The following WWOX variants were observed in gnomAD, a reference collection of about 807,000 sequenced individuals.
The protein encoded by WWOX is WW domain-containing oxidoreductase.
WWOX carries 69 observed loss-of-function variants against 46.2 expected under a neutral mutation model. The ratio of observed to expected loss-of-function variants is 1.49; its 90% CI spans 1.23 to 1.82. The LOEUF (loss-of-function observed/expected upper bound fraction) is 1.82. WWOX is among the 40% of genes most tolerant of loss of function. The pLI is 0.00. For synonymous variants in WWOX, 359 were observed against 202.6 expected, an observed-to-expected ratio of 1.77 and a Z score of -6.56; for missense variants, 919 against 542.6, an observed-to-expected ratio of 1.69 and a Z score of -6.89.
chr16:79,128,434 C>G (rs866513066), intron 8 of WWOX, among the ~76,000 whole-genome samples: 3 of 151,522 alleles, frequency 2.0e-5, no homozygotes, highest in East Asian at 3.9e-4. Flanking sequence ...ACACTTTCAG[C>G]AACCCTGTAA....
intron 8 of WWOX, among the ~76,000 whole-genome samples, chr16:78,847,268 T>A (rs1274136050): frequency 6.6e-6 from 1 of 152,226 alleles, no homozygotes; most frequent in Non-Finnish European, 1.5e-5. Context: ...TTTAGAAATA[T>A]GTGTATTATA....
intron 5 of WWOX, among the ~76,000 whole-genome samples, chr16:78,177,391 T>C (rs1446278512): frequency 6.6e-6 from 1 of 152,160 alleles, no homozygotes; most frequent in Non-Finnish European, 1.5e-5. Flanking sequence ...CTGTCATCGA[T>C]GCCAGCGCCT....
At chr16:79,068,215 A>G (rs1049021172) in intron 8 of WWOX, among the ~76,000 whole-genome samples, 1 of 152,176 alleles carries the variant, frequency 6.6e-6, no homozygotes, top group Admixed American at 6.5e-5. Flanking sequence ...AATAGTAGCA[A>G]CGGTAACTAA....
intron 8 of WWOX, among the ~76,000 whole-genome samples, chr16:78,523,277 T>C (rs1480929093): frequency 6.6e-6 from 1 of 152,216 alleles, no homozygotes; most frequent in Non-Finnish European, 1.5e-5. Flanking sequence ...GTGTTTAATA[T>C]GTGCCAGTAT....
chr16:78,830,461 G>C (rs919930750), intron 8 of WWOX, among the ~76,000 whole-genome samples: 1 of 151,908 alleles, frequency 6.6e-6, no homozygotes, highest in Non-Finnish European at 1.5e-5. Context: ...GTACCTATCT[G>C]ACTATTTTCT....
intron 1 of WWOX, among the ~76,000 whole-genome samples, chr16:78,104,145 A>C (rs955529589): frequency 7.9e-5 from 12 of 151,704 alleles, no homozygotes; most frequent in African/African-American, 2.7e-4. Flanking sequence ...TTTGGCAGTC[A>C]GAGGCCTCAA....
At chr16:78,950,373 C>T (rs1567669998) in intron 8 of WWOX, among the ~76,000 whole-genome samples, 1 of 152,074 alleles carries the variant, frequency 6.6e-6, no homozygotes, top group African/African-American at 2.4e-5. Flanking sequence ...ACTACAAAAG[C>T]ATGGTGGCAT....
chr16:79,209,143 T>G (rs956631211), intron 8 of WWOX, among the ~76,000 whole-genome samples: 1 of 152,202 alleles, frequency 6.6e-6, no homozygotes, highest in Admixed American at 6.5e-5. Flanking sequence ...GATAAAAAGT[T>G]AGGCTTTTCA....
At chr16:78,532,988 G>C (rs754335672) in intron 8 of WWOX, among the ~76,000 whole-genome samples, 10 of 152,172 alleles carry the variant, frequency 6.6e-5, no homozygotes, top group African/African-American at 1.2e-4. Context: ...TGCTTGGATA[G>C]GGCAGGTGAG....
At chr16:78,169,835 T>C (rs1377307918) in intron 5 of WWOX, among the ~76,000 whole-genome samples, 43 of 152,034 alleles carry the variant, frequency 2.8e-4, no homozygotes, top group Admixed American at 2.8e-3. Flanking sequence ...TTGTTATGAG[T>C]AACCAATGTT....
intron 8 of WWOX, among the ~76,000 whole-genome samples, chr16:78,611,347 T>G (rs951479404): frequency 2.6e-5 from 4 of 152,162 alleles, no homozygotes; most frequent in African/African-American, 9.7e-5. Context: ...ATAACAAAAC[T>G]ACAGGAGGTT....
rs144088982 is a variant in WWOX, at chr16:78,106,658, C to T, written c.108-1765C>T. 4.0e-3 allele frequency among the ~76,000 whole-genome samples: 609 copies of T among 152,168 alleles called. 11 individuals carry two copies. Among genetic ancestry groups the T allele is most frequent in the Admixed American group, 0.025 (386 of 15,278 alleles). On this transcript the variant is annotated intron_variant, in intron 1 of 8. Transcript: ENST00000566780. ...CGCGAACTCCTGACCTCAGGTAATC[C>T]GCCTGCCTTGCCCTCCTGAAGTACT...
At chr16:78,930,076 G>C (rs538404136) in intron 8 of WWOX, among the ~76,000 whole-genome samples, 1 of 152,030 alleles carries the variant, frequency 6.6e-6, no homozygotes, top group South Asian at 2.1e-4. Flanking sequence ...ATAGCTTCTT[G>C]CCTTCTTCAC....
intron 5 of WWOX, among the ~76,000 whole-genome samples, chr16:78,177,581 G>C (rs2035391884): frequency 6.6e-6 from 1 of 152,218 alleles, no homozygotes. Context: ...CCTGGGAATG[G>C]AGATGTCAGG....
intron 5 of WWOX, among the ~76,000 whole-genome samples, chr16:78,244,461 G>A (rs957732348): frequency 4.6e-5 from 7 of 152,200 alleles, no homozygotes; most frequent in Non-Finnish European, 7.3e-5. Context: ...ATCTGGAATA[G>A]GATTCCACCT....
At chr16:78,221,988 G>A (rs764750245) in intron 5 of WWOX, among the ~76,000 whole-genome samples, 21 of 152,072 alleles carry the variant, frequency 1.4e-4, no homozygotes, top group Admixed American at 2.6e-4. Context: ...ATGAAGCCTG[G>A]GGACTGGAAC....
chr16:78,452,077 C>T (rs2083703468), intron 8 of WWOX, among the ~76,000 whole-genome samples: 1 of 152,112 alleles, frequency 6.6e-6, no homozygotes, highest in South Asian at 2.1e-4. Flanking sequence ...ATGTTAGATC[C>T]CTTTTTTGGA....
intron 8 of WWOX, among the ~76,000 whole-genome samples, chr16:79,066,725 G>A (rs1162631346): frequency 5.3e-5 from 8 of 152,206 alleles, no homozygotes; most frequent in Non-Finnish European, 1.0e-4. Flanking sequence ...GCCGCCTCAA[G>A]GGACCACCTG....
chr16:78,485,983 G>C (rs2084626951), intron 8 of WWOX, among the ~76,000 whole-genome samples: 1 of 152,168 alleles, frequency 6.6e-6, no homozygotes, highest in South Asian at 2.1e-4. Flanking sequence ...TGTTACCTAG[G>C]AGTCCATGTA....
Sources: allele counts gnomAD v4.1 joint callset (sites outside exome capture counted in the v4.1 genomes callset), GRCh38; gene constraint gnomAD v4.1.1; transcripts MANE v1.5; gene names NCBI Gene and HGNC (gene_info 2026-07-23, HGNC 2026-07-21).